Variants in WDR26 observed in about 807,000 individuals in gnomAD.
WDR26 encodes the protein WD repeat-containing protein 26.
A neutral mutation model predicts 84.1 loss-of-function variants in WDR26; 5 were observed. The ratio of observed to expected loss-of-function variants is 0.06; its 90% CI spans 0.03 to 0.13. The LOEUF (loss-of-function observed/expected upper bound fraction) is 0.13, where lower values mean the gene tolerates loss of function less well. Among genes scored for constraint, WDR26 ranks in the 10% least tolerant of loss-of-function variants. The pLI is 1.00. For missense variants in WDR26, 642 were observed against 974.9 expected, an observed-to-expected ratio of 0.66 and a Z score of 4.55; for synonymous variants, 415 against 389.6, an observed-to-expected ratio of 1.07 and a Z score of -0.77.
In WDR26 at chr1:224,418,056, A is replaced by C. The variant is rs190068472; in HGVS notation, c.1319+204T>G. On this transcript the variant is annotated intron_variant, in intron 6 of 13. Coordinates refer to ENST00000414423, the MANE Select transcript of WDR26 (RefSeq NM_001379403.1). The stretch of plus-strand genomic sequence containing the variant: ...TAGATAACGAAAAACTGGCTTCCCA[A>C]CTTCAGTTCTCAAGGTATGGTTACT... Among the ~76,000 whole-genome samples the C allele has an allele frequency of 7.8e-4, 118 of 152,214 alleles. No homozygotes were observed. In the Middle Eastern group the frequency reaches 0.014, roughly 18 times the overall value.
chr1:224,418,669 A>G (rs954158962), intron 5 of WDR26, among the ~76,000 whole-genome samples: 3 of 152,150 alleles, frequency 2.0e-5, no homozygotes, highest in East Asian at 1.9e-4. Flanking sequence ...GGCAGGGAGG[A>G]TAAGTGAGGA....
chr1:224,393,608 C>T (rs1256064448), intron 13 of WDR26, among the ~76,000 whole-genome samples: 1 of 151,940 alleles, frequency 6.6e-6, no homozygotes, highest in Non-Finnish European at 1.5e-5. Flanking sequence ...TATCATATTC[C>T]AGCTTATTCT....
At chr1:224,433,609 C>CCCCCCCG in intron 1 of WDR26, 75 bp downstream of exon 1, 1 of 750,716 alleles carries the variant, frequency 1.3e-6, no homozygotes, top group Non-Finnish European at 1.8e-6. Flanking sequence ...CTCCCCCCTC[C>CCCCCCCG]GCCCCTTCCC....
At chr1:224,399,144 T>C in intron 9 of WDR26, 110 bp from the exon 10 acceptor site, 2 of 1,065,224 alleles carry the variant, frequency 1.9e-6, no homozygotes, top group Non-Finnish European at 2.6e-6. Context: ...GTTTTTTTTT[T>C]TTCCTGAGAC....
chr1:224,414,918 G>A (rs1673850161), intron 6 of WDR26, among the ~76,000 whole-genome samples: 1 of 152,204 alleles, frequency 6.6e-6, no homozygotes, highest in Non-Finnish European at 1.5e-5. Context: ...AGCCCCAGCT[G>A]CTCAGGCTGA....
chr1:224,407,151 A>AAAAAATAAATATATAT, intron 7 of WDR26, among the ~76,000 whole-genome samples: 1 of 11,868 alleles, frequency 8.4e-5, no homozygotes, highest in Non-Finnish European at 1.4e-4. Context: ...AAAAAAAAAA[A>AAAAAATAAATATATAT]ATATATATAT....
At chr1:224,401,137 A>G in intron 8 of WDR26, 68 bp from the exon 9 acceptor site, 1 of 1,465,636 alleles carries the variant, frequency 6.8e-7, no homozygotes, top group Non-Finnish European at 9.2e-7. Flanking sequence ...GTGAGAAAAA[A>G]AAAATAACTG....
intron 6 of WDR26, among the ~76,000 whole-genome samples, chr1:224,414,113 G>GA (rs1553357633): frequency 7.5e-6 from 1 of 133,716 alleles, no homozygotes; most frequent in Non-Finnish European, 1.6e-5. Flanking sequence ...CGCCCGGCCT[G>GA]TTTTTTTTTT....
rs944022095 is a variant in WDR26 at position 224,387,007 on chromosome 1, A to G, written c.*2828T>C. On this transcript the variant is annotated 3_prime_UTR_variant, in exon 14 of 14. Coordinates refer to ENST00000414423, the MANE Select transcript of WDR26 (RefSeq NM_001379403.1). ...ATAACCAATTATTTGGAGGAAAAAG[A>G]CATTTAATTTTATATTTGCTCTAGC... 2.6e-5 allele frequency: 4 copies of G among 152,632 alleles called. No individual in the cohort carries two copies. Among genetic ancestry groups the G allele is most frequent in the African/African-American group, 9.6e-5 (4 of 41,452 alleles). 9.5% of individuals were successfully genotyped at this position (152,632 alleles called of 1,614,324 possible). A position where few individuals can be genotyped will look rare whatever the true frequency, so the allele number is the denominator to read the frequency against.
At chr1:224,424,490 C>A (rs1558441973) in intron 4 of WDR26, 28 bp downstream of exon 4, 1 of 1,610,008 alleles carries the variant, frequency 6.2e-7, no homozygotes, top group Admixed American at 1.7e-5. Flanking sequence ...CCTCCATTAA[C>A]CTGAGTTCAA....
chr1:224,430,843 A>T (rs1674369986), intron 3 of WDR26: 4 of 152,272 alleles, frequency 2.6e-5, no homozygotes, highest in Admixed American at 2.6e-4. Flanking sequence ...ATTCATTAAG[A>T]ATTATGAAAG....
rs1246126562 is a variant in WDR26 at position 224,389,561 on chromosome 1, A to G, written c.*274T>C. ...GAAAAAAATATATATACTGAGTTCAATGGGTAAGCCTGAATGTAGCACAGT... is the reference window on the plus strand; with the variant it reads ...GAAAAAAATATATATACTGAGTTCAGTGGGTAAGCCTGAATGTAGCACAGT... On this transcript the variant is annotated 3_prime_UTR_variant, in exon 14 of 14. Coordinates refer to ENST00000414423, the MANE Select transcript of WDR26 (RefSeq NM_001379403.1). 1.1e-5 allele frequency: 6 copies of G among 542,096 alleles called. No individual in the cohort carries two copies. The highest frequency in any genetic ancestry group is 9.6e-6 in the Non-Finnish European group (3 of 313,254). The allele number at this position is 542,096 out of a possible 1,614,324, so 33.6% of individuals were successfully genotyped here. A position where few individuals can be genotyped will look rare whatever the true frequency, so the allele number is the denominator to read the frequency against.
intron 11 of WDR26, 43 bp from the exon 12 acceptor site, chr1:224,398,269 C>A: frequency 6.3e-7 from 1 of 1,578,582 alleles, no homozygotes; most frequent in South Asian, 1.2e-5. Flanking sequence ...TGCCTCAACT[C>A]AAACAAATTT....
At position 224,392,355 on chromosome 1, in the gene WDR26, C is replaced by CA. The variant is rs879788087; in HGVS notation, c.2260+1472dup. Among the ~76,000 whole-genome samples the CA allele has an allele frequency of 6.8e-3, 874 of 128,624 alleles. 7 individuals are homozygous for CA. The highest frequency in any genetic ancestry group is 0.021 in the African/African-American group (736 of 34,770). 84.4% of individuals were successfully genotyped at this position (128,624 alleles called of 152,430 possible). A position where few individuals can be genotyped will look rare whatever the true frequency, so the allele number is the denominator to read the frequency against. On this transcript the variant is annotated intron_variant, in intron 13 of 13. Transcript: ENST00000414423. ...TGGGAGAGAGCATGAGACTCCGTCT[C>CA]AAAAAAAAAAAAGAAAAGAAAACAT...
rs535630865 is a variant in WDR26 at position 224,400,032 on chromosome 1, T to C, written c.1719+918A>G. Among the ~76,000 whole-genome samples the C allele has an allele frequency of 3.3e-5, 5 of 152,270 alleles. No individual in the cohort carries two copies. In the South Asian group the frequency reaches 1.0e-3, roughly 32 times the overall value. ...ACTGGGACCATGTGAGTCTGTAATA[T>C]GAGACACAGAATCTAGACTACACTG... On this transcript the variant is annotated intron_variant, in intron 9 of 13. Coordinates refer to ENST00000414423, the MANE Select transcript of WDR26 (RefSeq NM_001379403.1).
chr1:224,391,773 A>T (rs1673133377), intron 13 of WDR26, among the ~76,000 whole-genome samples: 1 of 152,190 alleles, frequency 6.6e-6, no homozygotes, highest in African/African-American at 2.4e-5. Flanking sequence ...GTATTACTTT[A>T]ATTAGAAAAA....
chr1:224,419,144 A>G (rs1035098942), intron 5 of WDR26, among the ~76,000 whole-genome samples: 4 of 152,232 alleles, frequency 2.6e-5, no homozygotes, highest in Non-Finnish European at 4.4e-5. Context: ...GGGAAGAATA[A>G]AACAATTTAC....
intron 4 of WDR26, among the ~76,000 whole-genome samples, chr1:224,420,825 C>T (rs1173597019): frequency 6.6e-6 from 1 of 152,090 alleles, no homozygotes; most frequent in Non-Finnish European, 1.5e-5. Context: ...GTCTTGATCT[C>T]CTGACCTCGT....
At position 224,434,375 on chromosome 1, in the gene WDR26, A is replaced by G; in HGVS notation, c.31T>C (p.Ser11Pro). 8.7e-7 allele frequency: 1 copy of G among 1,151,842 alleles called. No individual in the cohort carries two copies. Among genetic ancestry groups the G allele is most frequent in the Non-Finnish European group, 1.1e-6 (1 of 940,136 alleles). 71.4% of individuals were successfully genotyped at this position (1,151,842 alleles called of 1,614,324 possible). ...TCCGAGTCGGAGGAGGAGGAAGCGG[A>G]GGCCAGAGTTTCCTCGCCGAGAGAG... The change falls in exon 1 of 14, where the codon TCC becomes CCC. Residue 11 changes from serine to proline, a missense_variant. Transcript: ENST00000414423.
Sources: allele counts gnomAD v4.1 joint callset (sites outside exome capture counted in the v4.1 genomes callset), GRCh38; gene constraint gnomAD v4.1.1; transcripts MANE v1.5; gene names NCBI Gene and HGNC (gene_info 2026-07-23, HGNC 2026-07-21).